The following VDAC1 variants were observed in gnomAD, a reference collection of about 807,000 sequenced individuals.
VDAC1 encodes the protein non-selective voltage-gated ion channel VDAC1.
In VDAC1, 10 loss-of-function variants were observed where a neutral mutation model predicts 34.7. The observed-to-expected ratio is 0.29, with a 90% confidence interval of 0.18 to 0.49. The LOEUF is 0.49. Among genes scored for constraint, VDAC1 ranks in the 20% least tolerant of loss-of-function variants. VDAC1 has a pLI of 0.99. For synonymous variants in VDAC1, 130 were observed against 136.0 expected (o/e 0.96, Z 0.30); for missense variants, 230 against 347.9 (o/e 0.66, Z 2.69).
the VDAC1 span, among the ~76,000 whole-genome samples, chr5:134,013,890 T>C: frequency 1.4e-3 from 214 of 151,044 alleles, no homozygotes; most frequent in Middle Eastern, 3.6e-3. Flanking sequence ...TGCAGTGAGC[T>C]GAGATCGTGC....
At chr5:134,021,437 G>C in the VDAC1 span, among the ~76,000 whole-genome samples, 1 of 151,116 alleles carries the variant, frequency 6.6e-6, no homozygotes, top group African/African-American at 2.4e-5. Context: ...AACATGTGGT[G>C]TTTGGTTTTC....
At chr5:133,979,956 T>G (rs1752630625) in intron 6 of VDAC1, among the ~76,000 whole-genome samples, 2 of 152,184 alleles carry the variant, frequency 1.3e-5, no homozygotes. Flanking sequence ...TGATAAAAAT[T>G]CCTCAAAAAA....
the VDAC1 span, among the ~76,000 whole-genome samples, chr5:134,074,172 C>T: frequency 4.0e-5 from 6 of 151,760 alleles, no homozygotes; most frequent in African/African-American, 1.2e-4. Flanking sequence ...ATTACTTGGG[C>T]GTGGTGGCAG....
the VDAC1 span, among the ~76,000 whole-genome samples, chr5:134,109,355 G>A: frequency 1.3e-5 from 2 of 152,172 alleles, no homozygotes; most frequent in African/African-American, 4.8e-5. Context: ...CTGTGAAGCT[G>A]CAGGTGACCC....
At chr5:134,013,079 T>C in the VDAC1 span, among the ~76,000 whole-genome samples, 3 of 152,136 alleles carry the variant, frequency 2.0e-5, no homozygotes, top group Non-Finnish European at 1.5e-5. Context: ...TATCACCATA[T>C]ACAAAAATTA....
chr5:134,067,378 T>C, the VDAC1 span, among the ~76,000 whole-genome samples: 1 of 137,278 alleles, frequency 7.3e-6, no homozygotes, highest in Non-Finnish European at 1.5e-5. Context: ...CCCAGTCAGA[T>C]CAAATGTTCT....
At chr5:134,075,614 C>T in the VDAC1 span, among the ~76,000 whole-genome samples, 3 of 152,272 alleles carry the variant, frequency 2.0e-5, no homozygotes, top group South Asian at 2.1e-4. Flanking sequence ...GACAGAGTCT[C>T]GCTCTGTTGC....
intron 1 of VDAC1, among the ~76,000 whole-genome samples, chr5:133,993,507 A>G (rs945159978): frequency 1.3e-5 from 2 of 152,242 alleles, no homozygotes; most frequent in Non-Finnish European, 2.9e-5. Context: ...CATTCATTCA[A>G]CAAATATTTA....
the VDAC1 span, among the ~76,000 whole-genome samples, chr5:134,075,409 C>T: frequency 0.29 from 43,526 of 152,050 alleles, 7,401 homozygotes; most frequent in African/African-American, 0.46. Flanking sequence ...CCTGTTAGCA[C>T]ACTACTCACA....
chr5:134,008,940 A>C (rs1038194015), upstream of VDAC1, among the ~76,000 whole-genome samples: 1 of 151,820 alleles, frequency 6.6e-6, no homozygotes, highest in African/African-American at 2.4e-5. Flanking sequence ...CTCAGGCCAC[A>C]CTCCCCACAC....
the VDAC1 span, among the ~76,000 whole-genome samples, chr5:134,055,591 T>TTTGTTTTTTTTTTTGTTTTTG: frequency 5.3e-3 from 171 of 32,434 alleles, 2 homozygotes; most frequent in African/African-American, 0.015. Flanking sequence ...CGCTAATGTT[T>TTTGTTTTTTTTTTTGTTTTTG]TTTTTTTTTT....
chr5:134,076,149 T>G, the VDAC1 span, among the ~76,000 whole-genome samples: 1 of 152,266 alleles, frequency 6.6e-6, no homozygotes, highest in African/African-American at 2.4e-5. Flanking sequence ...CTGGCTAATT[T>G]TGTATTTTTA....
At chr5:134,063,457 C>T in the VDAC1 span, among the ~76,000 whole-genome samples, 1,950 of 152,286 alleles carry the variant, frequency 0.013, 53 homozygotes, top group African/African-American at 0.043. Context: ...CAGTGATTTG[C>T]TTTGGCCAAG....
At chr5:134,016,746 C>T in the VDAC1 span, among the ~76,000 whole-genome samples, 1 of 152,194 alleles carries the variant, frequency 6.6e-6, no homozygotes, top group Non-Finnish European at 1.5e-5. Context: ...ATTAAAATGG[C>T]CTGGCATCTT....
chr5:134,092,089 G>A, the VDAC1 span, among the ~76,000 whole-genome samples: 1 of 152,208 alleles, frequency 6.6e-6, no homozygotes, highest in African/African-American at 2.4e-5. Flanking sequence ...ATCAAAACCA[G>A]ATGAGGAACC....
At chr5:134,067,678 A>AGGAGAGGGGGAG in the VDAC1 span, among the ~76,000 whole-genome samples, 1 of 87,094 alleles carries the variant, frequency 1.1e-5, no homozygotes, top group Non-Finnish European at 2.2e-5. Context: ...AGGGCGAGGG[A>AGGAGAGGGGGAG]GGAGAGGGGG....
At chr5:134,113,968 G>A in the VDAC1 span, among the ~76,000 whole-genome samples, 1 of 152,174 alleles carries the variant, frequency 6.6e-6, no homozygotes, top group Non-Finnish European at 1.5e-5. Flanking sequence ...ACCGAGTTGG[G>A]AGAGTCATAG....
the VDAC1 span, among the ~76,000 whole-genome samples, chr5:134,024,978 T>A: frequency 6.6e-6 from 1 of 152,338 alleles, no homozygotes; most frequent in African/African-American, 2.4e-5. Context: ...GGCAGCCACA[T>A]GCATGGCCCC....
chr5:134,053,453 G>A, the VDAC1 span, among the ~76,000 whole-genome samples: 1 of 152,198 alleles, frequency 6.6e-6, no homozygotes, highest in Non-Finnish European at 1.5e-5. Context: ...CATTGTCTAG[G>A]GCTCCTGTGA....
Sources: gnomAD v4.1 joint callset for allele counts (sites outside exome capture counted in the v4.1 genomes callset) on GRCh38, gnomAD v4.1.1 for gene constraint, MANE v1.5 for transcripts, NCBI Gene and HGNC (gene_info 2026-07-23, HGNC 2026-07-21) for gene names.